The following BMP1 variants were observed in gnomAD, a reference collection of about 807,000 sequenced individuals.
The protein encoded by BMP1 is bone morphogenetic protein 1, also known as mammalian tolloid protein.
A neutral mutation model predicts 116.8 loss-of-function variants in BMP1; 63 were observed. That is an observed-to-expected ratio of 0.54 (90% CI 0.44 to 0.67). BMP1 has a LOEUF of 0.67. Among genes scored for constraint, BMP1 ranks in the 30% least tolerant of loss-of-function variants. BMP1 has a pLI of 0.00. For synonymous variants in BMP1, 536 were observed against 533.4 expected (o/e 1.00, Z -0.07); for missense variants, 1,183 against 1,358.9 (o/e 0.87, Z 2.04).
In BMP1 at chr8:22,201,172, G is replaced by A. The variant is rs1164121514; in HGVS notation, c.2108-631G>A. The A allele has an allele frequency of 3.7e-6, 6 of 1,601,622 alleles. No homozygotes were observed. The highest frequency in any genetic ancestry group is 2.3e-5 in the East Asian group (1 of 43,916). ...GGACGCCCCCACCAGCTCAAATTCC[G>A]AGTGCAGAAAAGAAACCGGACCCCC... On this transcript the variant is annotated intron_variant, in intron 15 of 19. Transcript: ENST00000306385.
Position 22,179,597 on chromosome 8 carries a change from G to A in BMP1, c.837-108G>A, listed in dbSNP as rs1259208175. ...CCCGGCCCTGACCCTGCTGAGGAAT[G>A]TCTGAGCTCCAGCAGGGTCGTGACT... On this transcript the variant is annotated intron_variant, in intron 6 of 19. Coordinates refer to ENST00000306385, the MANE Select transcript of BMP1 (RefSeq NM_006129.5). This position sits in a 1 kb window ranked among gnomAD's most constrained non-coding sequence, Gnocchi z 4.6. 4 of 1,584,804 alleles carry A rather than the reference G, an allele frequency of 2.5e-6. No individual in the cohort carries two copies. Among genetic ancestry groups the A allele is most frequent in the Non-Finnish European group, 3.4e-6 (4 of 1,163,868 alleles).
At chr8:22,192,272 A>G in intron 9 of BMP1, 121 bp downstream of exon 9, 2 of 788,448 alleles carry the variant, frequency 2.5e-6, no homozygotes, top group Middle Eastern at 3.8e-4. Flanking sequence ...CTGGTATGGG[A>G]GCCAGGAGTC....
intron 8 of BMP1, among the ~76,000 whole-genome samples, chr8:22,181,689 A>C (rs576732521): frequency 6.6e-6 from 1 of 152,100 alleles, no homozygotes; most frequent in South Asian, 2.1e-4. Context: ...AGTAGCTGGG[A>C]CTGCAGATGT....
rs951707177 is a variant in BMP1, at chr8:22,179,357, G to A, written c.837-348G>A. On this transcript the variant is annotated intron_variant, in intron 6 of 19. Transcript: ENST00000306385. This position sits in a 1 kb window ranked among gnomAD's most constrained non-coding sequence, Gnocchi z 4.6. ...GAAGCAGGGGCCCAGTGGGGCTGGA[G>A]AGAGATGACCCGCTAGGGGCCTGTA... 1.5e-4 allele frequency among the ~76,000 whole-genome samples: 23 copies of A among 152,236 alleles called. No homozygotes were observed. Among genetic ancestry groups the A allele is most frequent in the African/African-American group, 5.5e-4 (23 of 41,456 alleles).
intron 8 of BMP1, among the ~76,000 whole-genome samples, chr8:22,185,837 T>C (rs971060266): frequency 4.1e-5 from 6 of 144,788 alleles, no homozygotes; most frequent in East Asian, 3.9e-4. Context: ...TCTTTTTTTT[T>C]TTTTTTTTTT....
chr8:22,185,520 T>A (rs757532673), intron 8 of BMP1, among the ~76,000 whole-genome samples: 19 of 151,932 alleles, frequency 1.3e-4, no homozygotes, highest in Non-Finnish European at 2.4e-4. Context: ...GGATCAAACA[T>A]TTGCAGAGGA....
At chr8:22,207,826 C>T (rs1188923458) in intron 18 of BMP1, among the ~76,000 whole-genome samples, 2 of 152,184 alleles carry the variant, frequency 1.3e-5, no homozygotes, top group Admixed American at 1.3e-4. Flanking sequence ...CAGCCACACA[C>T]CAACCCTGAA....
chr8:22,201,841 C>A lies in BMP1; in HGVS notation c.2146C>A (p.Gln716Lys), dbSNP rs1586469766. The A allele has an allele frequency of 6.2e-7, 1 of 1,613,776 alleles. No homozygotes were observed. ...CTCCAAGGATAACGGCGGCTGCCAG[C>A]AGGACTGCGTCAACACGTTCGGCAG... is the stretch of plus-strand genomic sequence containing the variant. ...ECSKDNGGCQ[Q>K]DCVNTFGSYE... The change falls in exon 16 of 20, where the codon CAG becomes AAG. Residue 716 changes from glutamine (Q) to lysine (K), a missense_variant. Gln to Lys is a moderately conservative substitution (Grantham distance 53, BLOSUM62 1). Coordinates refer to ENST00000306385, the MANE Select transcript of BMP1 (RefSeq NM_006129.5).
chr8:22,194,676 G>T lies in BMP1; in HGVS notation c.1444-48G>T, dbSNP rs755751201. 1 of 1,592,986 alleles carries T rather than the reference G, an allele frequency of 6.3e-7. No homozygotes were observed. The highest frequency in any genetic ancestry group is 2.2e-5 in the East Asian group (1 of 44,652). On this transcript the variant is annotated intron_variant, in intron 11 of 19. Coordinates refer to ENST00000306385, the MANE Select transcript of BMP1 (RefSeq NM_006129.5). The surrounding 1 kb of genome is among the most constrained non-coding windows in gnomAD (Gnocchi z 4.5). ...CCTCTCTTTGGGCTCCCAGGGGTGG[G>T]TCTCTGGCAGCCAGAGCCCCTTCCA...
intron 8 of BMP1, among the ~76,000 whole-genome samples, chr8:22,184,603 A>G (rs965475924): frequency 6.6e-6 from 1 of 152,244 alleles, no homozygotes. Flanking sequence ...CTGGTGTAGT[A>G]GAATACTAAC....
intron 6 of BMP1, 40 bp downstream of exon 6, chr8:22,177,997 C>T (rs1315649321): frequency 7.6e-6 from 11 of 1,453,034 alleles, no homozygotes; most frequent in Non-Finnish European, 1.0e-5. Flanking sequence ...GCTCGGGCAG[C>T]CCCACCCTGC....
Position 22,209,581 on chromosome 8 carries a change from C to G in BMP1, c.2712C>G (p.Leu904=), listed in dbSNP as rs1476177459. ...IVAEEGYGVE[L]VFQTFEVEEE... is the part of the protein sequence containing the mutation. ...CCGAGGAAGGCTACGGCGTGGAGCTCGTGTTCCAGACCTTTGAGGTGGAGG... is the reference window on the plus strand; with the variant it reads ...CCGAGGAAGGCTACGGCGTGGAGCTGGTGTTCCAGACCTTTGAGGTGGAGG... The change falls in exon 19 of 20, where the codon CTC becomes CTG. Residue 904 remains leucine, a synonymous_variant. Transcript: ENST00000306385. 4.3e-6 allele frequency: 7 copies of G among 1,614,072 alleles called. No homozygotes were observed. Among genetic ancestry groups the G allele is most frequent in the Non-Finnish European group, 4.2e-6 (5 of 1,180,038 alleles).
At chr8:22,207,591 G>T (rs906639621) in intron 18 of BMP1, 75 bp downstream of exon 18, 3 of 1,517,086 alleles carry the variant, frequency 2.0e-6, no homozygotes, top group Non-Finnish European at 2.7e-6. Context: ...GTTTCAATGC[G>T]GGTATGAAGG....
chr8:22,190,819 G>A (rs1586456647), intron 8 of BMP1, among the ~76,000 whole-genome samples: 1 of 152,250 alleles, frequency 6.6e-6, no homozygotes, highest in Middle Eastern at 3.4e-3. Flanking sequence ...AGGTACAAGG[G>A]AGGCAGACGG....
At chr8:22,204,744 C>G (rs1829322498) in intron 16 of BMP1, among the ~76,000 whole-genome samples, 1 of 150,208 alleles carries the variant, frequency 6.7e-6, no homozygotes, top group Admixed American at 6.7e-5. Flanking sequence ...CCCGCCCCCG[C>G]AAAAAGAAAT....
At chr8:22,201,294 C>T (rs772713575) in intron 15 of BMP1, 46 of 1,524,166 alleles carry the variant, frequency 3.0e-5, no homozygotes, top group Non-Finnish European at 3.8e-5. Flanking sequence ...AACCCCCCAC[C>T]TCCACTCTGC....
At chr8:22,191,981 A>G (rs890967518) in intron 8 of BMP1, 68 bp from the exon 9 acceptor site, 2 of 1,428,612 alleles carry the variant, frequency 1.4e-6, no homozygotes, top group African/African-American at 1.4e-5. Flanking sequence ...GGTGGTCATC[A>G]TGGGGCTGGC....
At chr8:22,182,576 A>G (rs974458489) in intron 8 of BMP1, among the ~76,000 whole-genome samples, 1 of 152,202 alleles carries the variant, frequency 6.6e-6, no homozygotes, top group Non-Finnish European at 1.5e-5. Flanking sequence ...AATTAAATCT[A>G]CTGTTCCACC....
intron 2 of BMP1, 124 bp from the exon 3 acceptor site, chr8:22,176,019 C>T (rs145374003): frequency 4.5e-5 from 45 of 1,007,594 alleles, no homozygotes; most frequent in Non-Finnish European, 5.7e-5. Flanking sequence ...TTGGGGACTA[C>T]GAATAAATTT....
Sources: allele counts gnomAD v4.1 joint callset (sites outside exome capture counted in the v4.1 genomes callset), GRCh38; gene constraint gnomAD v4.1.1; non-coding constraint Gnocchi (gnomAD v3.1); transcripts MANE v1.5; gene names NCBI Gene and HGNC (gene_info 2026-07-23, HGNC 2026-07-21).